RORA: variants seen among roughly 807,000 people sequenced by gnomAD.
RORA encodes RAR related orphan receptor A.
Under a neutral mutation model 69.5 loss-of-function variants are expected in RORA, and 7 were observed. That is an observed-to-expected ratio of 0.10 (90% CI 0.06 to 0.19). The LOEUF is 0.19. Ranked by LOEUF, RORA falls within the 10% of genes least tolerant of loss-of-function variation. RORA has a pLI of 1.00. For missense variants in RORA, 457 were observed against 663.0 expected, an observed-to-expected ratio of 0.69 and a Z score of 3.41; for synonymous variants, 261 against 240.8, an observed-to-expected ratio of 1.08 and a Z score of -0.78.
At chr15:60,774,841 A>G (rs2072138184) in intron 1 of RORA, among the ~76,000 whole-genome samples, 1 of 152,200 alleles carries the variant, frequency 6.6e-6, no homozygotes, top group South Asian at 2.1e-4. Context: ...CCACAGCATA[A>G]CCATGTTCCT....
At chr15:60,504,854 T>C (rs1278051236) in intron 6 of RORA, among the ~76,000 whole-genome samples, 1 of 152,148 alleles carries the variant, frequency 6.6e-6, no homozygotes, top group Non-Finnish European at 1.5e-5. Flanking sequence ...CCCACCGATA[T>C]GATGGGGTGG....
At chr15:61,157,980 C>T (rs2079459820) in intron 1 of RORA, among the ~76,000 whole-genome samples, 1 of 152,096 alleles carries the variant, frequency 6.6e-6, no homozygotes, top group Admixed American at 6.6e-5. Context: ...AATCCCAGAC[C>T]CTGGAGAGCA....
intron 1 of RORA, chr15:61,038,820 A>C (rs1350129231): frequency 6.6e-6 from 1 of 152,260 alleles, no homozygotes; most frequent in East Asian, 1.9e-4. Context: ...ATGAAGAAAC[A>C]GAGCACCAGA....
At chr15:60,701,810 G>C (rs140127866) in intron 1 of RORA, among the ~76,000 whole-genome samples, 296 of 152,288 alleles carry the variant, frequency 1.9e-3, no homozygotes, top group African/African-American at 6.9e-3. Flanking sequence ...AGGGAAGAGT[G>C]ATGAGGCAGT....
At position 61,070,529 on chromosome 15, in the gene RORA, G is replaced by A. The variant is rs552969134; in HGVS notation, c.166+158524C>T. On this transcript the variant is annotated intron_variant, in intron 1 of 10. Coordinates refer to ENST00000335670, the MANE Select transcript of RORA (RefSeq NM_134261.3). The stretch of plus-strand genomic sequence containing the variant: ...AGAAGTTGTAGGCATCTGATCCTTT[G>A]GACAGATTTTTTCCACGGAAATAAA... Among the ~76,000 whole-genome samples the A allele has an allele frequency of 1.0e-3, 154 of 152,218 alleles. 1 individual carries two copies. The highest frequency in any genetic ancestry group is 3.6e-3 in the African/African-American group (148 of 41,542).
intron 1 of RORA, among the ~76,000 whole-genome samples, chr15:60,769,634 T>C (rs970839625): frequency 6.6e-6 from 1 of 152,240 alleles, no homozygotes; most frequent in Admixed American, 6.5e-5. Context: ...TAGATATTGA[T>C]GTTATAAACT....
chr15:60,639,363 C>T (rs536546313), intron 2 of RORA, among the ~76,000 whole-genome samples: 2 of 151,978 alleles, frequency 1.3e-5, no homozygotes, highest in African/African-American at 2.4e-5. Context: ...CTTAGAATAA[C>T]ACTTAAAAGC....
chr15:60,910,826 G>A (rs1891685459), intron 1 of RORA, among the ~76,000 whole-genome samples: 1 of 150,002 alleles, frequency 6.7e-6, no homozygotes, highest in South Asian at 2.1e-4. Context: ...ATATTTAGGA[G>A]TTCACACTTC....
At chr15:61,048,617 G>T (rs1897151251) in intron 1 of RORA, among the ~76,000 whole-genome samples, 1 of 152,226 alleles carries the variant, frequency 6.6e-6, no homozygotes, top group Non-Finnish European at 1.5e-5. Flanking sequence ...GCCTGACAGG[G>T]ACTATCTGCT....
intron 1 of RORA, among the ~76,000 whole-genome samples, chr15:61,057,362 A>G (rs2078110661): frequency 6.6e-6 from 1 of 152,302 alleles, no homozygotes; most frequent in East Asian, 1.9e-4. Context: ...AAATACACAA[A>G]CATTTGACTT....
chr15:60,586,364 G>T (rs766115842), intron 2 of RORA, among the ~76,000 whole-genome samples: 2 of 152,134 alleles, frequency 1.3e-5, no homozygotes, highest in African/African-American at 2.4e-5. Flanking sequence ...AAGTGTGTTT[G>T]AGGAAGAAAC....
At chr15:60,777,577 G>A (rs561823769) in intron 1 of RORA, among the ~76,000 whole-genome samples, 6 of 152,140 alleles carry the variant, frequency 3.9e-5, no homozygotes, top group African/African-American at 1.4e-4. Context: ...TCATTTCTGC[G>A]AGAGAAATTA....
In RORA at chr15:60,990,012, C is replaced by T. The variant is rs539413171; in HGVS notation, c.166+239041G>A. On this transcript the variant is annotated intron_variant, in intron 1 of 10. Transcript: ENST00000335670. ...TGTCAGAGATTACTAACTTTCCACT[C>T]AAACACCCTGAGGTCATATGATTAA... 4.8e-4 allele frequency among the ~76,000 whole-genome samples: 73 copies of T among 152,326 alleles called. 1 individual carries two copies. The highest frequency in any genetic ancestry group is 1.6e-3 in the African/African-American group (66 of 41,568).
At chr15:60,880,411 C>T (rs900411235) in intron 1 of RORA, among the ~76,000 whole-genome samples, 9 of 152,160 alleles carry the variant, frequency 5.9e-5, no homozygotes, top group African/African-American at 1.7e-4. Flanking sequence ...GAGGCCGAGG[C>T]GGGCAGATCA....
intron 2 of RORA, among the ~76,000 whole-genome samples, chr15:60,593,875 A>C (rs1317485042): frequency 3.9e-5 from 6 of 152,148 alleles, no homozygotes; most frequent in African/African-American, 1.4e-4. Context: ...GTTGGGCCAC[A>C]ATTTAAAACA....
rs145464925 is a variant in RORA at position 60,693,351 on chromosome 15, T to C, written c.167-14665A>G. Among the ~76,000 whole-genome samples the C allele has an allele frequency of 3.5e-4, 54 of 152,312 alleles. No individual in the cohort carries two copies. The East Asian group carries it at 7.1e-3, about 20-fold the overall frequency. Reference sequence around the variant, plus strand: ...AACCCACAGACAATATCATGCTGAATGGGCAAAAGCTGGAAGCATTCCCCT... The same window carrying C: ...AACCCACAGACAATATCATGCTGAACGGGCAAAAGCTGGAAGCATTCCCCT... On this transcript the variant is annotated intron_variant, in intron 1 of 10. Coordinates refer to ENST00000335670, the MANE Select transcript of RORA (RefSeq NM_134261.3).
rs143244116 is a variant in RORA at position 61,117,459 on chromosome 15, T to C, written c.166+111594A>G. Reference sequence around the variant, plus strand: ...TGCTGAACTTGTACATTAGTATTAATATAACATGCCTAAGTACCTCCCAAA... The same window carrying C: ...TGCTGAACTTGTACATTAGTATTAACATAACATGCCTAAGTACCTCCCAAA... On this transcript the variant is annotated intron_variant, in intron 1 of 10. Transcript: ENST00000335670. Among the ~76,000 whole-genome samples the C allele has an allele frequency of 2.0e-3, 303 of 152,352 alleles. 1 individual carries two copies. Among genetic ancestry groups the C allele is most frequent in the African/African-American group, 7.0e-3 (291 of 41,584 alleles).
At chr15:60,936,868 TTCAAA>T (rs1488920686) in intron 1 of RORA, among the ~76,000 whole-genome samples, 2 of 152,146 alleles carry the variant, frequency 1.3e-5, no homozygotes. Context: ...TGTAAAACCA[TTCAAA>T]TCAAACCACT....
chr15:61,034,788 C>CAAAAAAAAAAAAAAAA (rs33933996), intron 1 of RORA, among the ~76,000 whole-genome samples: 1 of 82,954 alleles, frequency 1.2e-5, no homozygotes, highest in Non-Finnish European at 2.4e-5. Flanking sequence ...CATCACAGAC[C>CAAAAAAAAAAAAAAAA]AAAAAAAAAA....
Sources: allele counts gnomAD v4.1 joint callset (sites outside exome capture counted in the v4.1 genomes callset), GRCh38; gene constraint gnomAD v4.1.1; transcripts MANE v1.5; gene names NCBI Gene and HGNC (gene_info 2026-07-23, HGNC 2026-07-21).